NMT2: variants seen among roughly 807,000 people sequenced by gnomAD.
NMT2 encodes N-myristoyltransferase 2.
Under a neutral mutation model 65.4 loss-of-function variants are expected in NMT2, and 35 were observed. The ratio of observed to expected loss-of-function variants is 0.54; its 90% confidence interval spans 0.41 to 0.71. The LOEUF is 0.71. Among genes scored for constraint, NMT2 ranks in the 30% least tolerant of loss-of-function variants. The pLI is 0.00. For synonymous variants in NMT2, 226 were observed against 231.8 expected, an observed-to-expected ratio of 0.98 and a Z score of 0.23; for missense variants, 489 against 611.3, an observed-to-expected ratio of 0.80 and a Z score of 2.11.
At chr10:15,111,411 TGAGAC>T (rs1845511464) in intron 10 of NMT2, among the ~76,000 whole-genome samples, 1 of 145,258 alleles carries the variant, frequency 6.9e-6, no homozygotes, top group South Asian at 2.1e-4. Flanking sequence ...CTCTGGAGGC[TGAGAC>T]AAGAGAATCA....
intron 1 of NMT2, among the ~76,000 whole-genome samples, chr10:15,159,250 A>G (rs1564592451): frequency 6.6e-6 from 1 of 152,136 alleles, no homozygotes; most frequent in Non-Finnish European, 1.5e-5. Context: ...AGTCTAGTTG[A>G]CAGAGACTGA....
chr10:15,140,764 G>A (rs1044943334), intron 2 of NMT2, among the ~76,000 whole-genome samples: 1 of 152,154 alleles, frequency 6.6e-6, no homozygotes, highest in East Asian at 1.9e-4. Context: ...GGTGCCTGGG[G>A]GTTGGCTCCA....
chr10:15,146,046 C>T (rs1271564706), intron 1 of NMT2, among the ~76,000 whole-genome samples: 1 of 152,134 alleles, frequency 6.6e-6, no homozygotes, highest in Non-Finnish European at 1.5e-5. Flanking sequence ...GAAATTCAGC[C>T]CTGCATATCA....
intron 9 of NMT2, among the ~76,000 whole-genome samples, chr10:15,117,635 T>C (rs7899003): frequency 0.036 from 5,542 of 152,010 alleles, 186 homozygotes; most frequent in African/African-American, 0.081. Context: ...ATTGTCTATG[T>C]AGAAATCACA....
intron 1 of NMT2, among the ~76,000 whole-genome samples, chr10:15,148,386 G>A (rs1319883339): frequency 6.6e-6 from 1 of 152,148 alleles, no homozygotes; most frequent in African/African-American, 2.4e-5. Context: ...GTGTGTGTGT[G>A]CCTCTGGTCC....
intron 8 of NMT2, among the ~76,000 whole-genome samples, chr10:15,119,933 T>C (rs1845868754): frequency 6.6e-6 from 1 of 152,140 alleles, no homozygotes; most frequent in Non-Finnish European, 1.5e-5. Flanking sequence ...ATAGCCAACT[T>C]AGCATGACTT....
In NMT2 at chr10:15,132,893, C is replaced by T. The variant is rs1291820140; in HGVS notation, c.643G>A (p.Gly215Arg). ...PPGWLLQWHCGVRVSSNKKLV... is the reference protein window; with the variant it reads ...PPGWLLQWHCRVRVSSNKKLV... Reference sequence around the variant, plus strand: ...TTTTTATTTGAAGACACTCTGACCCCACAGTGCCACTGCAGGAGCCAGCCT... The same window carrying T: ...TTTTTATTTGAAGACACTCTGACCCTACAGTGCCACTGCAGGAGCCAGCCT... The change falls in exon 6 of 12, where the codon GGG (glycine) becomes AGG (arginine). Residue 215 changes from glycine (G) to arginine (R), a missense_variant. Physicochemically the swap from Gly to Arg is moderately radical, Grantham distance 125. Transcript: ENST00000378165. 1 of 1,613,808 alleles carries T rather than the reference C, an allele frequency of 6.2e-7. No homozygotes were observed. Among genetic ancestry groups the T allele is most frequent in the Non-Finnish European group, 8.5e-7 (1 of 1,179,884 alleles).
At chr10:15,148,488 G>C (rs181576684) in intron 1 of NMT2, among the ~76,000 whole-genome samples, 3 of 152,172 alleles carry the variant, frequency 2.0e-5, no homozygotes, top group Middle Eastern at 3.4e-3. Context: ...AGTCAGCCTG[G>C]GCAACAGAGT....
At chr10:15,147,168 G>C (rs1846997416) in intron 1 of NMT2, among the ~76,000 whole-genome samples, 1 of 129,430 alleles carries the variant, frequency 7.7e-6, no homozygotes, top group African/African-American at 2.7e-5. Context: ...TTTGGTATGT[G>C]AATTCCAAGG....
intron 1 of NMT2, among the ~76,000 whole-genome samples, chr10:15,146,618 C>A (rs1006019511): frequency 4.6e-5 from 7 of 152,354 alleles, no homozygotes; most frequent in African/African-American, 1.7e-4. Flanking sequence ...GGCAGAGCCA[C>A]ACGATGGCGC....
chr10:15,121,569 G>A (rs1191173374), intron 8 of NMT2, among the ~76,000 whole-genome samples: 3 of 152,174 alleles, frequency 2.0e-5, no homozygotes, highest in Non-Finnish European at 2.9e-5. Context: ...GTTTCACCAC[G>A]TTGGCCAGGC....
chr10:15,153,931 C>T (rs111982886), intron 1 of NMT2, among the ~76,000 whole-genome samples: 1 of 152,320 alleles, frequency 6.6e-6, no homozygotes, highest in African/African-American at 2.4e-5. Context: ...GGATTACAGG[C>T]GTGAGCCGCC....
At chr10:15,162,364 A>G (rs1283748487) in intron 1 of NMT2, among the ~76,000 whole-genome samples, 1 of 152,168 alleles carries the variant, frequency 6.6e-6, no homozygotes, top group East Asian at 1.9e-4. Context: ...TTTGAGTACC[A>G]AGAAAGCTTA....
chr10:15,163,353 G>A (rs186540936), intron 1 of NMT2, among the ~76,000 whole-genome samples: 103 of 152,262 alleles, frequency 6.8e-4, no homozygotes, highest in African/African-American at 2.3e-3. Context: ...GATGTATAAC[G>A]TACATTTGCA....
Position 15,108,524 on chromosome 10 carries a change from A to G in NMT2, c.*671T>C. 1 of 985,460 alleles carries G rather than the reference A, an allele frequency of 1.0e-6. No individual in the cohort carries two copies. The highest frequency in any genetic ancestry group is 1.7e-5 in the African/African-American group (1 of 57,264). 61.0% of individuals were successfully genotyped at this position (985,460 alleles called of 1,614,324 possible). On this transcript the variant is annotated 3_prime_UTR_variant, in exon 12 of 12. Coordinates refer to ENST00000378165, the MANE Select transcript of NMT2 (RefSeq NM_004808.3). ...AGAGCACAGTGAGTGCTTGCACAAA[A>G]CTCTGCTTTTGAAGCAATCCACTGA... is the stretch of plus-strand genomic sequence containing the variant.
intron 8 of NMT2, among the ~76,000 whole-genome samples, chr10:15,127,546 CAAA>C (rs1239422956): frequency 3.9e-5 from 2 of 51,370 alleles, no homozygotes; most frequent in African/African-American, 9.9e-5. Flanking sequence ...GACTCCGTCT[CAAA>C]AAAAAAAAAA....
chr10:15,167,483 T>A (rs1057380103), intron 1 of NMT2, among the ~76,000 whole-genome samples: 3 of 152,242 alleles, frequency 2.0e-5, no homozygotes, highest in Non-Finnish European at 4.4e-5. Flanking sequence ...TTTTTTAAGC[T>A]GACCCACTTC....
At chr10:15,166,894 G>GT (rs905653179) in intron 1 of NMT2, among the ~76,000 whole-genome samples, 31 of 152,210 alleles carry the variant, frequency 2.0e-4, no homozygotes, top group Middle Eastern at 3.4e-3. Flanking sequence ...TCTCAACAGT[G>GT]TAAGCAAAGA....
chr10:15,147,898 C>A (rs946147505), intron 1 of NMT2, among the ~76,000 whole-genome samples: 1 of 152,028 alleles, frequency 6.6e-6, no homozygotes, highest in Admixed American at 6.6e-5. Flanking sequence ...TTTGAGTACA[C>A]CAAAGTTAAA....
Sources: gnomAD v4.1 joint callset for allele counts (sites outside exome capture counted in the v4.1 genomes callset) on GRCh38, gnomAD v4.1.1 for gene constraint, MANE v1.5 for transcripts, NCBI Gene and HGNC (gene_info 2026-07-23, HGNC 2026-07-21) for gene names.